The following ZBBX variants were observed in gnomAD, a reference collection of about 807,000 sequenced individuals.
ZBBX encodes zinc finger B-box domain-containing protein 1.
In ZBBX, 101 loss-of-function variants were observed where a neutral mutation model predicts 108.5. The ratio of observed to expected loss-of-function variants is 0.93; its 90% CI spans 0.79 to 1.10. ZBBX has a LOEUF of 1.10. Ranked by LOEUF, ZBBX falls within the 50% of genes least tolerant of loss-of-function variation. The pLI, the probability that ZBBX is intolerant of heterozygous loss-of-function variation, is 0.00. For synonymous variants in ZBBX, 356 were observed against 323.4 expected, an observed-to-expected ratio of 1.10 and a Z score of -1.08; for missense variants, 1,009 against 941.4, an observed-to-expected ratio of 1.07 and a Z score of -0.94.
In ZBBX at chr3:167,313,962, GA is replaced by G; in HGVS notation, c.1417+11del. 2 of 1,562,666 alleles carry G rather than the reference GA, an allele frequency of 1.3e-6. No homozygotes were observed. Among genetic ancestry groups the G allele is most frequent in the Non-Finnish European group, 1.7e-6 (2 of 1,156,588 alleles). ...CACTGTTAATAATATCCAGCAACAA[GA>G]AAAATGTTACCTTTTGAATTATCTT... On this transcript the variant is annotated intron_variant, in intron 16 of 21. Transcript: ENST00000675490.
chr3:167,302,490 T>TC (rs1732878693), intron 17 of ZBBX, among the ~76,000 whole-genome samples: 1 of 151,980 alleles, frequency 6.6e-6, no homozygotes, highest in Non-Finnish European at 1.5e-5. Flanking sequence ...CTGAAATTCC[T>TC]CCCCCCACCC....
At chr3:167,313,574 G>A (rs1329993598) in intron 16 of ZBBX, among the ~76,000 whole-genome samples, 1 of 152,014 alleles carries the variant, frequency 6.6e-6, no homozygotes, top group Admixed American at 6.6e-5. Flanking sequence ...GAGCCACCGA[G>A]CCCGGCCAGT....
chr3:167,376,178 T>C (rs1487766490), intron 2 of ZBBX, among the ~76,000 whole-genome samples: 2 of 152,214 alleles, frequency 1.3e-5, no homozygotes, highest in South Asian at 4.1e-4. Flanking sequence ...AATGGCAAAC[T>C]AAGATTTGGT....
At position 167,242,528 on chromosome 3, in the gene ZBBX, A is replaced by AC. The variant is rs781297155; in HGVS notation, c.2369dup (p.Pro791SerfsTer5). The stretch of plus-strand genomic sequence containing the variant: ...ACCTCAATTCCTCAACTCCACAGGG[A>AC]CCCCTCACATGTGAGGTCTTAAGGA... On this transcript the variant is annotated frameshift_variant, in exon 21 of 22. Coordinates refer to ENST00000675490, the MANE Select transcript of ZBBX (RefSeq NM_001199201.2). LOFTEE classifies it low-confidence loss of function (END_TRUNC). 6.2e-7 allele frequency: 1 copy of AC among 1,611,852 alleles called. No individual in the cohort carries two copies. The highest frequency in any genetic ancestry group is 1.3e-5 in the African/African-American group (1 of 74,930).
intron 20 of ZBBX, among the ~76,000 whole-genome samples, chr3:167,269,754 G>A (rs1213995879): frequency 3.3e-5 from 5 of 152,140 alleles, no homozygotes; most frequent in Non-Finnish European, 5.9e-5. Context: ...AAATCTTAGA[G>A]CTATCAACCA....
At chr3:167,194,383 A>G in the ZBBX span, among the ~76,000 whole-genome samples, 1 of 152,154 alleles carries the variant, frequency 6.6e-6, no homozygotes. Context: ...GATATGCATT[A>G]TCTAGCATCC....
intron 1 of ZBBX, among the ~76,000 whole-genome samples, chr3:167,396,164 C>G (rs941919331): frequency 1.1e-4 from 16 of 152,016 alleles, no homozygotes; most frequent in African/African-American, 3.9e-4. Flanking sequence ...TTTGTTTGCC[C>G]TCATAACCAT....
chr3:167,396,459 G>A (rs1206596842), intron 1 of ZBBX, among the ~76,000 whole-genome samples: 2 of 152,002 alleles, frequency 1.3e-5, no homozygotes, highest in Non-Finnish European at 2.9e-5. Flanking sequence ...CAAGACATGA[G>A]GCAGAAGTCT....
At position 167,389,548 on chromosome 3, in the gene ZBBX, T is replaced by G. The variant is rs538657235; in HGVS notation, c.-445-9143A>C. Reference sequence around the variant, plus strand: ...TTCTGATTCTAGATCCTTGAGGAGCTGCCACACTGTCTTCCACATTGGTTG... The same window carrying G: ...TTCTGATTCTAGATCCTTGAGGAGCGGCCACACTGTCTTCCACATTGGTTG... On this transcript the variant is annotated intron_variant, in intron 1 of 21. Transcript: ENST00000455345. Among the ~76,000 whole-genome samples the G allele has an allele frequency of 3.9e-5, 6 of 152,190 alleles. No homozygotes were observed. The South Asian group carries it at 8.3e-4, about 21-fold the overall frequency.
intron 20 of ZBBX, among the ~76,000 whole-genome samples, chr3:167,250,825 A>G (rs1286688770): frequency 2.6e-5 from 4 of 152,150 alleles, no homozygotes; most frequent in Admixed American, 6.5e-5. Context: ...CCTTGGACCT[A>G]GGTGACAACA....
chr3:167,259,281 A>G lies in ZBBX; in HGVS notation c.2255-16638T>C, dbSNP rs543164042. ...GGTAAAGCTGTTCTTAGCAGCCTTG[A>G]ATGATCTTTTGTATTTCAGTGGTGT... On this transcript the variant is annotated intron_variant, in intron 20 of 21. Coordinates refer to ENST00000675490, the MANE Select transcript of ZBBX (RefSeq NM_001199201.2). 2.6e-5 allele frequency among the ~76,000 whole-genome samples: 4 copies of G among 152,184 alleles called. No individual in the cohort carries two copies. In the East Asian group the frequency reaches 7.7e-4, roughly 29 times the overall value.
At chr3:167,203,604 A>G in the ZBBX span, among the ~76,000 whole-genome samples, 1 of 152,248 alleles carries the variant, frequency 6.6e-6, no homozygotes, top group South Asian at 2.1e-4. Flanking sequence ...ATGTTTATTT[A>G]AAAAGAAATG....
At position 167,365,920 on chromosome 3, in the gene ZBBX, TATG is replaced by T. The variant is rs758125723; in HGVS notation, c.236_238del (p.Ser79del). On this transcript the variant is annotated inframe_deletion, in exon 6 of 22. Coordinates refer to ENST00000675490, the MANE Select transcript of ZBBX (RefSeq NM_001199201.2). Reference sequence around the variant, plus strand: ...ATTTCCTTTATTTTGTGACATCATATATGATTGATTGACCAATTTGCCCACTTT... The same window carrying T: ...ATTTCCTTTATTTTGTGACATCATATATTGATTGACCAATTTGCCCACTTT... 12 of 1,609,496 alleles carry T rather than the reference TATG, an allele frequency of 7.5e-6. No individual in the cohort carries two copies. In the East Asian group the frequency reaches 2.5e-4, roughly 33 times the overall value.
chr3:167,355,937 A>C, intron 8 of ZBBX, among the ~76,000 whole-genome samples: 1 of 152,036 alleles, frequency 6.6e-6, no homozygotes, highest in East Asian at 1.9e-4. Context: ...TTTCCAGCCA[A>C]GGCACCTGCT....
At chr3:167,344,343 A>G (rs1198617877) in intron 9 of ZBBX, among the ~76,000 whole-genome samples, 3 of 151,862 alleles carry the variant, frequency 2.0e-5, no homozygotes, top group Non-Finnish European at 4.4e-5. Flanking sequence ...GTGCACTTCA[A>G]ATGAATGAAT....
Position 167,306,941 on chromosome 3 carries a change from T to C in ZBBX, c.1418-991A>G, listed in dbSNP as rs565443500. 2.6e-5 allele frequency among the ~76,000 whole-genome samples: 4 copies of C among 152,296 alleles called. No homozygotes were observed. The South Asian group carries it at 6.2e-4, about 24-fold the overall frequency. On this transcript the variant is annotated intron_variant, in intron 16 of 21. Transcript: ENST00000675490. ...CTTTACAGCTTTACAAAGGACTTGC[T>C]TGTTGCAATCAAATGTTTATATAAC...
At chr3:167,323,249 GGA>G (rs63355260) in intron 11 of ZBBX, among the ~76,000 whole-genome samples, 30,649 of 133,950 alleles carry the variant, frequency 0.23, 4,913 homozygotes, top group East Asian at 0.34. Flanking sequence ...GGGGGGGGGG[GGA>G]AAGAACTCTT....
chr3:167,191,928 TATATATAG>T, the ZBBX span, among the ~76,000 whole-genome samples: 1 of 125,770 alleles, frequency 8.0e-6, no homozygotes, highest in South Asian at 2.4e-4. Context: ...TATATATATA[TATATATAG>T]AGCAAGTTAT....
At chr3:167,327,868 C>A in intron 11 of ZBBX, 74 bp downstream of exon 11, 1 of 1,429,574 alleles carries the variant, frequency 7.0e-7, no homozygotes, top group South Asian at 1.4e-5. Flanking sequence ...AAGCCAAGAT[C>A]ACGCCGCTGC....
Sources: gnomAD v4.1 joint callset for allele counts (sites outside exome capture counted in the v4.1 genomes callset) on GRCh38, gnomAD v4.1.1 for gene constraint, MANE v1.5 for transcripts, NCBI Gene and HGNC (gene_info 2026-07-23, HGNC 2026-07-21) for gene names.